SORCS3: variants seen among roughly 807,000 people sequenced by gnomAD.
SORCS3 encodes sortilin related VPS10 domain containing receptor 3.
A neutral mutation model predicts 146.3 loss-of-function variants in SORCS3; 57 were observed. The ratio of observed to expected loss-of-function variants is 0.39; its 90% CI spans 0.31 to 0.49. The LOEUF (loss-of-function observed/expected upper bound fraction) is 0.49. Among genes scored for constraint, SORCS3 ranks in the 20% least tolerant of loss-of-function variants. The pLI is 0.92. For missense variants in SORCS3, 1,341 were observed against 1,575.5 expected (o/e 0.85, Z 2.52); for synonymous variants, 653 against 618.5 (o/e 1.06, Z -0.83).
chr10:105,018,475 G>A (rs868473452), intron 4 of SORCS3, among the ~76,000 whole-genome samples: 2 of 152,328 alleles, frequency 1.3e-5, no homozygotes, highest in African/African-American at 2.4e-5. Context: ...GAGGAGGAGT[G>A]GTCCCAGGGC....
intron 4 of SORCS3, among the ~76,000 whole-genome samples, chr10:105,002,631 C>T (rs11192271): frequency 0.013 from 1,980 of 152,292 alleles, 45 homozygotes; most frequent in African/African-American, 0.043. Context: ...TTCAAGTATT[C>T]GGTAGCCCCA....
chr10:105,019,860 G>A (rs556174224), intron 4 of SORCS3, among the ~76,000 whole-genome samples: 1 of 152,310 alleles, frequency 6.6e-6, no homozygotes, highest in African/African-American at 2.4e-5. Context: ...TAAAGAAAAT[G>A]TAATTATTGC....
chr10:104,780,735 C>A (rs949856344), intron 1 of SORCS3, among the ~76,000 whole-genome samples: 2 of 152,156 alleles, frequency 1.3e-5, no homozygotes, highest in Non-Finnish European at 2.9e-5. Context: ...GGAGACCAGC[C>A]CTAGAGTTGT....
intron 1 of SORCS3, among the ~76,000 whole-genome samples, chr10:104,647,936 G>A (rs1225214679): frequency 6.6e-6 from 1 of 152,224 alleles, no homozygotes; most frequent in African/African-American, 2.4e-5. Context: ...TGTTTCCTGT[G>A]TATGTGGCAT....
At chr10:104,770,582 G>C (rs1273137364) in intron 1 of SORCS3, among the ~76,000 whole-genome samples, 4 of 152,126 alleles carry the variant, frequency 2.6e-5, no homozygotes, top group Non-Finnish European at 5.9e-5. Flanking sequence ...CACTTTGGGA[G>C]GCCATAGTGG....
chr10:105,193,994 A>G (rs1318767058), intron 14 of SORCS3, among the ~76,000 whole-genome samples: 1 of 152,210 alleles, frequency 6.6e-6, no homozygotes, highest in Non-Finnish European at 1.5e-5. Context: ...GTGGCAAGGT[A>G]AAAGGAAAGA....
chr10:104,771,844 A>G (rs1482470706), intron 1 of SORCS3, among the ~76,000 whole-genome samples: 1 of 151,186 alleles, frequency 6.6e-6, no homozygotes, highest in Non-Finnish European at 1.5e-5. Flanking sequence ...AGGGAAAGTG[A>G]GTTGACCAAG....
chr10:104,644,096 C>A (rs1450536453), intron 1 of SORCS3, among the ~76,000 whole-genome samples: 2 of 152,194 alleles, frequency 1.3e-5, no homozygotes, highest in African/African-American at 4.8e-5. Flanking sequence ...ACTCTTCAGT[C>A]AAATGACGGC....
intron 1 of SORCS3, among the ~76,000 whole-genome samples, chr10:104,654,524 G>A (rs934280858): frequency 2.6e-5 from 4 of 152,146 alleles, no homozygotes; most frequent in Non-Finnish European, 5.9e-5. Flanking sequence ...ATATGTTATT[G>A]TAGTTTTGAT....
intron 4 of SORCS3, among the ~76,000 whole-genome samples, chr10:105,000,326 A>G (rs1053782408): frequency 8.1e-5 from 12 of 148,162 alleles, no homozygotes; most frequent in Admixed American, 6.6e-4. Flanking sequence ...GTGTGGGTAT[A>G]CGTGTGTTCA....
chr10:105,037,937 C>T (rs1461251521), intron 4 of SORCS3, among the ~76,000 whole-genome samples: 1 of 152,170 alleles, frequency 6.6e-6, no homozygotes, highest in Non-Finnish European at 1.5e-5. Flanking sequence ...CTATCAGATG[C>T]TTTTCTCTGG....
chr10:104,829,893 T>G (rs560865086), intron 1 of SORCS3, among the ~76,000 whole-genome samples: 11 of 152,278 alleles, frequency 7.2e-5, no homozygotes, highest in African/African-American at 2.6e-4. Flanking sequence ...TATTTTTTGA[T>G]TTTAATTTTA....
chr10:104,910,229 CG>C (rs2018952862), intron 2 of SORCS3, among the ~76,000 whole-genome samples: 1 of 152,072 alleles, frequency 6.6e-6, no homozygotes, highest in African/African-American at 2.4e-5. Context: ...CCTGAGCAGG[CG>C]GTGAAACCAA....
chr10:105,067,099 T>C (rs1346555207), intron 5 of SORCS3, among the ~76,000 whole-genome samples: 1 of 152,214 alleles, frequency 6.6e-6, no homozygotes, highest in African/African-American at 2.4e-5. Flanking sequence ...TTTCTTATTC[T>C]CTGCCACTGA....
At chr10:105,084,671 T>A (rs1484894090) in intron 5 of SORCS3, among the ~76,000 whole-genome samples, 1 of 152,090 alleles carries the variant, frequency 6.6e-6, no homozygotes, top group Non-Finnish European at 1.5e-5. Flanking sequence ...GCCTTGTTAC[T>A]AGGGGAGGCG....
At chr10:105,229,769 A>G (rs2056756435) in intron 20 of SORCS3, among the ~76,000 whole-genome samples, 1 of 152,238 alleles carries the variant, frequency 6.6e-6, no homozygotes, top group South Asian at 2.1e-4. Context: ...ATGCCTATTT[A>G]GGGGCCTCAG....
At chr10:104,812,522 A>G (rs542421170) in intron 1 of SORCS3, among the ~76,000 whole-genome samples, 17 of 152,342 alleles carry the variant, frequency 1.1e-4, no homozygotes, top group Admixed American at 2.0e-4. Context: ...GATTCCAAAA[A>G]TAAAAAGCTT....
chr10:105,139,316 T>C, intron 7 of SORCS3, 81 bp from the exon 8 acceptor site: 2 of 1,028,030 alleles, frequency 1.9e-6, no homozygotes, highest in Non-Finnish European at 3.0e-6. Flanking sequence ...ATTGTGGTTG[T>C]TGATAGAAGA....
chr10:105,046,088 T>C (rs2055369891), intron 5 of SORCS3, among the ~76,000 whole-genome samples: 1 of 152,066 alleles, frequency 6.6e-6, no homozygotes, highest in Non-Finnish European at 1.5e-5. Context: ...AAATGATTTC[T>C]TTGGGAGAGA....
Sources: allele counts gnomAD v4.1 joint callset (sites outside exome capture counted in the v4.1 genomes callset), GRCh38; gene constraint gnomAD v4.1.1; transcripts MANE v1.5; gene names NCBI Gene and HGNC (gene_info 2026-07-23, HGNC 2026-07-21).